ARB2A: variants seen among roughly 807,000 people sequenced by gnomAD.
The protein encoded by ARB2A is cotranscriptional regulator ARB2A.
the ARB2A span, among the ~76,000 whole-genome samples, chr5:93,687,988 C>G: frequency 1.5e-5 from 2 of 131,880 alleles, no homozygotes; most frequent in South Asian, 4.6e-4. Context: ...TTTTTTTTTT[C>G]TTTGAGATAG....
chr5:93,853,925 G>A, the ARB2A span, among the ~76,000 whole-genome samples: 1 of 151,958 alleles, frequency 6.6e-6, no homozygotes, highest in Admixed American at 6.6e-5. Context: ...TTCTCTTTTT[G>A]GTTGTGTCTC....
At chr5:93,832,155 T>A in the ARB2A span, among the ~76,000 whole-genome samples, 1 of 152,132 alleles carries the variant, frequency 6.6e-6, no homozygotes, top group Non-Finnish European at 1.5e-5. Flanking sequence ...GCAGTCCTTG[T>A]GGCAACCCCC....
At chr5:93,961,259 T>C in the ARB2A span, among the ~76,000 whole-genome samples, 1 of 152,244 alleles carries the variant, frequency 6.6e-6, no homozygotes, top group East Asian at 1.9e-4. Context: ...AAAAAACCTG[T>C]AGTACAGATA....
the ARB2A span, chr5:94,050,722 G>A: frequency 1.9e-6 from 3 of 1,581,226 alleles, no homozygotes; most frequent in South Asian, 1.2e-5. Flanking sequence ...AGTAGTATAT[G>A]TGACATACCT....
the ARB2A span, among the ~76,000 whole-genome samples, chr5:93,856,115 G>C: frequency 6.6e-6 from 1 of 151,966 alleles, no homozygotes; most frequent in Non-Finnish European, 1.5e-5. Flanking sequence ...CAGAGTACAA[G>C]CCACTCTCTT....
chr5:94,096,181 T>C, the ARB2A span, among the ~76,000 whole-genome samples: 2 of 152,222 alleles, frequency 1.3e-5, no homozygotes, highest in Non-Finnish European at 2.9e-5. Context: ...GAATGGGTAA[T>C]TCAAATCAAG....
chr5:93,990,366 A>C, the ARB2A span, among the ~76,000 whole-genome samples: 1 of 152,094 alleles, frequency 6.6e-6, no homozygotes, highest in Non-Finnish European at 1.5e-5. Context: ...TGATAGCAGA[A>C]GTAAAATGAT....
the ARB2A span, among the ~76,000 whole-genome samples, chr5:94,007,004 CATTT>C: frequency 6.6e-6 from 1 of 152,068 alleles, no homozygotes; most frequent in Non-Finnish European, 1.5e-5. Context: ...ATTATAGAAA[CATTT>C]ATTGTTCTAT....
At chr5:93,881,402 C>G in the ARB2A span, 2 of 1,149,874 alleles carry the variant, frequency 1.7e-6, no homozygotes. Context: ...AAAAACAAAA[C>G]AATCTACATA....
chr5:93,972,254 C>T, the ARB2A span, among the ~76,000 whole-genome samples: 8 of 152,076 alleles, frequency 5.3e-5, no homozygotes, highest in Non-Finnish European at 1.0e-4. Context: ...GCCTGAAATA[C>T]ACGACCAATC....
the ARB2A span, among the ~76,000 whole-genome samples, chr5:93,776,430 G>A: frequency 1.3e-5 from 2 of 152,082 alleles, no homozygotes; most frequent in East Asian, 3.9e-4. Flanking sequence ...TCTGAAAAAG[G>A]TCCTTTTGTT....
At chr5:93,662,662 G>A in the ARB2A span, among the ~76,000 whole-genome samples, 1 of 152,114 alleles carries the variant, frequency 6.6e-6, no homozygotes, top group African/African-American at 2.4e-5. Context: ...TGTGTGCCAG[G>A]AGCACTGACA....
the ARB2A span, among the ~76,000 whole-genome samples, chr5:94,071,292 T>C: frequency 1.3e-5 from 2 of 152,050 alleles, no homozygotes; most frequent in African/African-American, 2.4e-5. Flanking sequence ...AACAAAACTT[T>C]TAGAAGAATG....
the ARB2A span, among the ~76,000 whole-genome samples, chr5:93,646,996 C>T: frequency 6.6e-6 from 1 of 152,154 alleles, no homozygotes; most frequent in Non-Finnish European, 1.5e-5. Flanking sequence ...TACACACATA[C>T]TATTATTCTG....
chr5:94,091,776 G>C, the ARB2A span, among the ~76,000 whole-genome samples: 1 of 151,874 alleles, frequency 6.6e-6, no homozygotes, highest in Non-Finnish European at 1.5e-5. Context: ...TTAGTTTGGG[G>C]GTCTCCAATT....
the ARB2A span, among the ~76,000 whole-genome samples, chr5:93,953,299 G>A: frequency 6.6e-6 from 1 of 152,156 alleles, no homozygotes; most frequent in Non-Finnish European, 1.5e-5. Flanking sequence ...TTCCTGGGAA[G>A]GCTTTCCAGG....
At chr5:93,678,582 C>T in the ARB2A span, among the ~76,000 whole-genome samples, 1 of 152,024 alleles carries the variant, frequency 6.6e-6, no homozygotes. Context: ...ATGGTGAAAC[C>T]CCGTCTTTAT....
chr5:93,915,588 G>A, the ARB2A span, among the ~76,000 whole-genome samples: 3 of 151,932 alleles, frequency 2.0e-5, no homozygotes, highest in Non-Finnish European at 2.9e-5. Flanking sequence ...CATGGATCAT[G>A]AAGAAATGAA....
At chr5:94,066,087 T>G in the ARB2A span, among the ~76,000 whole-genome samples, 1 of 152,058 alleles carries the variant, frequency 6.6e-6, no homozygotes, top group African/African-American at 2.4e-5. Flanking sequence ...TAAACTTGCT[T>G]CTGAATGAGC....
Sources: gnomAD v4.1 joint callset for allele counts (sites outside exome capture counted in the v4.1 genomes callset) on GRCh38, gnomAD v4.1.1 for gene constraint, MANE v1.5 for transcripts, NCBI Gene and HGNC (gene_info 2026-07-23, HGNC 2026-07-21) for gene names.